CTNNA3: variants seen among roughly 807,000 people sequenced by gnomAD.
CTNNA3 encodes catenin alpha 3, also known as catenin alpha-3.
A neutral mutation model predicts 95.7 loss-of-function variants in CTNNA3; 76 were observed. The ratio of observed to expected loss-of-function variants is 0.79; its 90% CI spans 0.66 to 0.96. CTNNA3 has a LOEUF of 0.96. CTNNA3 is among the 40% of genes least tolerant of loss of function. CTNNA3 has a pLI of 0.00. For missense variants in CTNNA3, 1,191 were observed against 1,089.8 expected, an observed-to-expected ratio of 1.09 and a Z score of -1.31; for synonymous variants, 431 against 374.4, an observed-to-expected ratio of 1.15 and a Z score of -1.74.
chr10:66,173,227 C>T (rs1168359159), intron 13 of CTNNA3, among the ~76,000 whole-genome samples: 1 of 152,050 alleles, frequency 6.6e-6, no homozygotes, highest in East Asian at 1.9e-4. Context: ...TCTATGTTTG[C>T]ATTCAGGCAA....
intron 9 of CTNNA3, among the ~76,000 whole-genome samples, chr10:66,675,344 T>G (rs1471206784): frequency 6.6e-6 from 1 of 152,062 alleles, no homozygotes; most frequent in African/African-American, 2.4e-5. Flanking sequence ...TTGTGCTTCT[T>G]TAGTCATTTT....
chr10:66,659,053 A>T (rs1835439055), intron 9 of CTNNA3, among the ~76,000 whole-genome samples: 1 of 152,074 alleles, frequency 6.6e-6, no homozygotes, highest in Non-Finnish European at 1.5e-5. Context: ...CACTGAATGA[A>T]TATTTATTAA....
chr10:67,332,649 G>A (rs892385486), intron 5 of CTNNA3, among the ~76,000 whole-genome samples: 2 of 146,002 alleles, frequency 1.4e-5, no homozygotes, highest in African/African-American at 4.9e-5. Context: ...ATCTACTCAA[G>A]CTCAGTTTAT....
intron 3 of CTNNA3, among the ~76,000 whole-genome samples, chr10:67,556,895 G>A (rs1316481771): frequency 6.6e-6 from 1 of 152,098 alleles, no homozygotes; most frequent in East Asian, 1.9e-4. Context: ...GGCATTTAGT[G>A]CTATAAATTT....
chr10:67,273,884 G>A (rs1589114875), intron 5 of CTNNA3, among the ~76,000 whole-genome samples: 1 of 152,294 alleles, frequency 6.6e-6, no homozygotes, highest in East Asian at 1.9e-4. Context: ...GGTGGAAAAG[G>A]TGAGAATAGT....
intron 8 of CTNNA3, among the ~76,000 whole-genome samples, chr10:66,773,011 TG>T (rs1840156489): frequency 6.6e-6 from 1 of 152,362 alleles, no homozygotes; most frequent in East Asian, 1.9e-4. Context: ...TTACAACAAC[TG>T]TTGGATAAAC....
intron 7 of CTNNA3, among the ~76,000 whole-genome samples, chr10:67,074,818 T>TTATGTATG (rs140973701): frequency 6.6e-5 from 10 of 152,036 alleles, no homozygotes; most frequent in South Asian, 2.1e-4. Context: ...CATAATTTAT[T>TTATGTATG]TATGTATGTA....
At chr10:65,980,206 C>T (rs2078290070) in intron 16 of CTNNA3, among the ~76,000 whole-genome samples, 1 of 151,882 alleles carries the variant, frequency 6.6e-6, no homozygotes, top group African/African-American at 2.4e-5. Flanking sequence ...CCTTTACATA[C>T]ATAAACTAGA....
At chr10:67,733,451 G>A (rs778147756) in intron 1 of CTNNA3, among the ~76,000 whole-genome samples, 2 of 152,072 alleles carry the variant, frequency 1.3e-5, no homozygotes, top group Non-Finnish European at 2.9e-5. Context: ...TTCCACCAAG[G>A]GACCTTTATT....
At position 65,950,980 on chromosome 10, in the gene CTNNA3, TGA is replaced by T. The variant is rs1241936692; in HGVS notation, c.2400+15630_2400+15631del. On this transcript the variant is annotated intron_variant, in intron 17 of 17. Transcript: ENST00000433211. ...TCACAAAACAGATCACTGCCATTTG[TGA>T]GAGAGATACCACAGCAGTCTCAGTA... is the stretch of plus-strand genomic sequence containing the variant. Among the ~76,000 whole-genome samples, 3 of 152,168 alleles carry T rather than the reference TGA, an allele frequency of 2.0e-5. No homozygotes were observed. In the East Asian group the frequency reaches 5.8e-4, roughly 29 times the overall value.
chr10:65,992,849 T>C (rs2078572701), intron 15 of CTNNA3, among the ~76,000 whole-genome samples: 1 of 152,150 alleles, frequency 6.6e-6, no homozygotes, highest in Non-Finnish European at 1.5e-5. Context: ...TTTGAAAACT[T>C]TCTAGTTTTT....
intron 11 of CTNNA3, among the ~76,000 whole-genome samples, chr10:66,503,173 C>G (rs1840337095): frequency 6.6e-6 from 1 of 152,054 alleles, no homozygotes; most frequent in Non-Finnish European, 1.5e-5. Context: ...AGACACTATT[C>G]AAAACATTTA....
chr10:66,244,168 T>C (rs925038074), intron 13 of CTNNA3, among the ~76,000 whole-genome samples: 8 of 152,138 alleles, frequency 5.3e-5, no homozygotes, highest in African/African-American at 1.9e-4. Flanking sequence ...CCTCTGCCTA[T>C]GGAAAGAGGT....
chr10:66,907,741 T>G (rs1846050744), intron 7 of CTNNA3, among the ~76,000 whole-genome samples: 2 of 152,104 alleles, frequency 1.3e-5, no homozygotes, highest in African/African-American at 4.8e-5. Flanking sequence ...CCAACAGATA[T>G]CAAAACATAT....
At chr10:66,655,785 C>G (rs1467877579) in intron 9 of CTNNA3, among the ~76,000 whole-genome samples, 3 of 151,946 alleles carry the variant, frequency 2.0e-5, no homozygotes, top group Non-Finnish European at 4.4e-5. Context: ...TGCCAAAGAG[C>G]ATTGAAGTCT....
intron 9 of CTNNA3, among the ~76,000 whole-genome samples, chr10:66,633,981 T>G (rs1351163209): frequency 6.6e-6 from 1 of 152,174 alleles, no homozygotes; most frequent in East Asian, 1.9e-4. Context: ...GCATGTGTAA[T>G]AATCTCATTT....
chr10:66,992,590 C>T (rs1388578627), intron 7 of CTNNA3, among the ~76,000 whole-genome samples: 1 of 151,812 alleles, frequency 6.6e-6, no homozygotes, highest in Non-Finnish European at 1.5e-5. Context: ...ATGTATCAGT[C>T]TTTTCATTTA....
chr10:66,837,464 T>G (rs1842922948), intron 7 of CTNNA3: 1 of 152,114 alleles, frequency 6.6e-6, no homozygotes, highest in African/African-American at 2.4e-5. Context: ...CTGAAGAGCT[T>G]AACCTACAGA....
intron 7 of CTNNA3, among the ~76,000 whole-genome samples, chr10:66,946,784 T>C (rs748014114): frequency 6.6e-6 from 1 of 151,948 alleles, no homozygotes; most frequent in Non-Finnish European, 1.5e-5. Context: ...GGCACACACA[T>C]AGAATTAATC....
Sources: allele counts gnomAD v4.1 joint callset (sites outside exome capture counted in the v4.1 genomes callset), GRCh38; gene constraint gnomAD v4.1.1; transcripts MANE v1.5; gene names NCBI Gene and HGNC (gene_info 2026-07-23, HGNC 2026-07-21).